Variants in GABRB1 observed in about 807,000 individuals in gnomAD.
The protein encoded by GABRB1 is gamma-aminobutyric acid receptor subunit beta-1.
A neutral mutation model predicts 51.6 loss-of-function variants in GABRB1; 17 were observed. The observed-to-expected ratio is 0.33, with a 90% confidence interval of 0.23 to 0.49. The LOEUF (loss-of-function observed/expected upper bound fraction) is 0.49, where lower values mean the gene tolerates loss of function less well. Ranked by LOEUF, GABRB1 falls within the 20% of genes least tolerant of loss-of-function variation. The pLI, the probability that GABRB1 is intolerant of heterozygous loss-of-function variation, is 0.99. For missense variants in GABRB1, 410 were observed against 600.6 expected, an observed-to-expected ratio of 0.68 and a Z score of 3.32; for synonymous variants, 247 against 218.9, an observed-to-expected ratio of 1.13 and a Z score of -1.14.
intron 1 of GABRB1, among the ~76,000 whole-genome samples, chr4:47,004,058 C>T (rs1218241318): frequency 6.6e-6 from 1 of 152,088 alleles, no homozygotes; most frequent in African/African-American, 2.4e-5. Flanking sequence ...GGTGCCATCT[C>T]GGCTCATGCA....
At chr4:47,011,905 A>T (rs904424834) in intron 1 of GABRB1, among the ~76,000 whole-genome samples, 25 of 152,184 alleles carry the variant, frequency 1.6e-4, no homozygotes, top group Non-Finnish European at 2.9e-4. Context: ...AGGAAAAAAA[A>T]TCCCACAGTA....
chr4:47,362,658 G>T (rs1216019137), intron 5 of GABRB1, among the ~76,000 whole-genome samples: 1 of 152,118 alleles, frequency 6.6e-6, no homozygotes, highest in Non-Finnish European at 1.5e-5. Context: ...AGACTAGGGT[G>T]CCTATAGAGG....
chr4:47,425,273 G>A (rs1041535216), intron 8 of GABRB1, among the ~76,000 whole-genome samples: 2 of 152,038 alleles, frequency 1.3e-5, no homozygotes, highest in Admixed American at 6.6e-5. Context: ...GAAGCCAAGC[G>A]AGATGTTAAT....
intron 5 of GABRB1, among the ~76,000 whole-genome samples, chr4:47,361,687 G>C (rs532736868): frequency 6.6e-6 from 1 of 152,244 alleles, no homozygotes; most frequent in South Asian, 2.1e-4. Context: ...TGATTTAAGA[G>C]AAATTCCAGT....
intron 5 of GABRB1, among the ~76,000 whole-genome samples, chr4:47,323,395 G>A (rs1725150194): frequency 6.6e-6 from 1 of 152,158 alleles, no homozygotes; most frequent in Non-Finnish European, 1.5e-5. Flanking sequence ...GTTTCAATGA[G>A]CTTTGCTTGT....
intron 8 of GABRB1, among the ~76,000 whole-genome samples, chr4:47,417,513 G>C (rs1055301301): frequency 6.6e-6 from 1 of 151,768 alleles, no homozygotes; most frequent in African/African-American, 2.4e-5. Context: ...GCCCTGGTGA[G>C]CGCAAATGAC....
chr4:47,342,240 T>A (rs995252640), intron 5 of GABRB1, among the ~76,000 whole-genome samples: 3 of 152,174 alleles, frequency 2.0e-5, no homozygotes, highest in African/African-American at 7.2e-5. Flanking sequence ...AATCTAGTTT[T>A]GGAAACTTAA....
intron 5 of GABRB1, among the ~76,000 whole-genome samples, chr4:47,323,928 A>G (rs1725167387): frequency 6.6e-6 from 1 of 152,230 alleles, no homozygotes; most frequent in South Asian, 2.1e-4. Flanking sequence ...ACAAAAATCA[A>G]TCAAGGAATT....
At chr4:47,378,674 C>G (rs1161001033) in intron 5 of GABRB1, among the ~76,000 whole-genome samples, 1 of 152,152 alleles carries the variant, frequency 6.6e-6, no homozygotes, top group East Asian at 1.9e-4. Flanking sequence ...TCAGTAGAGA[C>G]GGGGTTTCAC....
chr4:47,410,117 C>T (rs1302140649), intron 8 of GABRB1, among the ~76,000 whole-genome samples: 5 of 151,980 alleles, frequency 3.3e-5, no homozygotes, highest in South Asian at 2.1e-4. Context: ...TAAAGGAGAA[C>T]GAATAAAGAA....
intron 4 of GABRB1, among the ~76,000 whole-genome samples, chr4:47,299,905 C>T (rs1462863334): frequency 6.6e-6 from 1 of 151,784 alleles, no homozygotes; most frequent in Non-Finnish European, 1.5e-5. Flanking sequence ...GAATACTATG[C>T]AGCCATAAAA....
At chr4:47,072,015 A>T (rs1419361697) in intron 3 of GABRB1, among the ~76,000 whole-genome samples, 2 of 150,238 alleles carry the variant, frequency 1.3e-5, no homozygotes, top group East Asian at 2.0e-4. Context: ...AAATGAAGTC[A>T]TTGTAATCTC....
intron 4 of GABRB1, among the ~76,000 whole-genome samples, chr4:47,297,613 T>C (rs1350296094): frequency 1.3e-5 from 2 of 152,146 alleles, no homozygotes; most frequent in African/African-American, 4.8e-5. Context: ...GTGGTAATAA[T>C]CAATAGCTTA....
chr4:47,066,175 C>T (rs941744063), intron 3 of GABRB1, among the ~76,000 whole-genome samples: 1 of 152,180 alleles, frequency 6.6e-6, no homozygotes, highest in Non-Finnish European at 1.5e-5. Flanking sequence ...ATTATGTTTA[C>T]ACTATATTAC....
At chr4:47,305,073 A>T (rs1724398284) in intron 4 of GABRB1, among the ~76,000 whole-genome samples, 1 of 152,012 alleles carries the variant, frequency 6.6e-6, no homozygotes, top group South Asian at 2.1e-4. Context: ...CGAGGCCCTA[A>T]TCTGTTTGTA....
At chr4:47,129,309 A>G (rs1319316727) in intron 3 of GABRB1, among the ~76,000 whole-genome samples, 1 of 152,200 alleles carries the variant, frequency 6.6e-6, no homozygotes, top group Admixed American at 6.5e-5. Context: ...TCACTAGCAA[A>G]GCAGACCCCA....
At chr4:47,255,165 G>A (rs938285243) in intron 4 of GABRB1, among the ~76,000 whole-genome samples, 1 of 152,174 alleles carries the variant, frequency 6.6e-6, no homozygotes, top group Non-Finnish European at 1.5e-5. Flanking sequence ...TCTGCTATTT[G>A]CTAGATTCGT....
intron 4 of GABRB1, among the ~76,000 whole-genome samples, chr4:47,222,030 AC>A (rs1357410197): frequency 6.6e-6 from 1 of 152,120 alleles, no homozygotes; most frequent in Admixed American, 6.6e-5. Context: ...AATCAAAATT[AC>A]GAATGATAAT....
intron 1 of GABRB1, among the ~76,000 whole-genome samples, chr4:46,996,066 T>C (rs1723985173): frequency 7.5e-6 from 1 of 132,936 alleles, no homozygotes; most frequent in Non-Finnish European, 1.6e-5. Flanking sequence ...CCTGCTAACT[T>C]GAGGTTTTTT....
Sources: gnomAD v4.1 joint callset for allele counts (sites outside exome capture counted in the v4.1 genomes callset) on GRCh38, gnomAD v4.1.1 for gene constraint, MANE v1.5 for transcripts, NCBI Gene and HGNC (gene_info 2026-07-23, HGNC 2026-07-21) for gene names.